ARAP1: variants seen among roughly 807,000 people sequenced by gnomAD.
ARAP1 encodes ArfGAP with RhoGAP domain, ankyrin repeat and PH domain 1.
Under a neutral mutation model 172.2 loss-of-function variants are expected in ARAP1, and 76 were observed. That is an observed-to-expected ratio of 0.44 (90% CI 0.37 to 0.53). The LOEUF (loss-of-function observed/expected upper bound fraction) is 0.53, where lower values mean the gene tolerates loss of function less well. Among genes scored for constraint, ARAP1 ranks in the 20% least tolerant of loss-of-function variants. ARAP1 has a pLI of 0.00. For synonymous variants in ARAP1, 804 were observed against 803.3 expected, an observed-to-expected ratio of 1.00 and a Z score of -0.01; for missense variants, 1,686 against 1,977.5, an observed-to-expected ratio of 0.85 and a Z score of 2.80.
chr11:72,700,773 G>T lies in ARAP1; in HGVS notation c.2302+876C>A, dbSNP rs1856446770. Among the ~76,000 whole-genome samples, 4 of 152,270 alleles carry T rather than the reference G, an allele frequency of 2.6e-5. No homozygotes were observed. In the South Asian group the frequency reaches 8.3e-4, roughly 31 times the overall value. ...AATCCCAGTACTTTGGGAGGCCAAG[G>T]CGGGCAGATCACCTGAGGTCGGGAG... On this transcript the variant is annotated intron_variant, in intron 16 of 34. Coordinates refer to ENST00000393609, the MANE Select transcript of ARAP1 (RefSeq NM_001040118.3).
In ARAP1 at chr11:72,693,503, C is replaced by T. The variant is rs756695300; in HGVS notation, c.3809-33G>A. ...GTGGGACTGGAGTGGGCACAGGCTGCACCAACCCCTACCCGGGGCTGGGTC... is the reference window on the plus strand; with the variant it reads ...GTGGGACTGGAGTGGGCACAGGCTGTACCAACCCCTACCCGGGGCTGGGTC... On this transcript the variant is annotated intron_variant, in intron 28 of 34. Coordinates refer to ENST00000393609, the MANE Select transcript of ARAP1 (RefSeq NM_001040118.3). This position sits in a 1 kb window ranked among gnomAD's most constrained non-coding sequence, Gnocchi z 4.6. 2 of 1,597,778 alleles carry T rather than the reference C, an allele frequency of 1.3e-6. No individual in the cohort carries two copies. Among genetic ancestry groups the T allele is most frequent in the South Asian group, 1.1e-5 (1 of 89,804 alleles).
At position 72,695,882 on chromosome 11, in the gene ARAP1, G is replaced by A. The variant is rs1474577564; in HGVS notation, c.3273-17C>T. On this transcript the variant is annotated splice_polypyrimidine_tract_variant and intron_variant, in intron 23 of 34. Coordinates refer to ENST00000393609, the MANE Select transcript of ARAP1 (RefSeq NM_001040118.3). This position sits in a 1 kb window ranked among gnomAD's most constrained non-coding sequence, Gnocchi z 4.4. ...CACTGAACACTGGAGAGGGGAGGAG[G>A]AGGGCTTTGAGTGAGGAGTCAGGCC... is the stretch of plus-strand genomic sequence containing the variant. The A allele has an allele frequency of 5.6e-6, 9 of 1,602,832 alleles. No individual in the cohort carries two copies. The highest frequency in any genetic ancestry group is 6.8e-6 in the Non-Finnish European group (8 of 1,174,596).
intron 3 of ARAP1, among the ~76,000 whole-genome samples, chr11:72,718,233 A>C (rs1857364186): frequency 6.6e-6 from 1 of 152,118 alleles, no homozygotes; most frequent in African/African-American, 2.4e-5. Flanking sequence ...TCAGGAAGGC[A>C]CAACATGTGG....
At chr11:72,747,316 G>A (rs67288233) in intron 1 of ARAP1, among the ~76,000 whole-genome samples, 23,783 of 152,044 alleles carry the variant, frequency 0.16, 2,649 homozygotes, top group African/African-American at 0.31. Flanking sequence ...CTTCCTCTAG[G>A]CCCCTCTGAC....
Position 72,695,292 on chromosome 11 carries a change from C to T in ARAP1, c.3576+95G>A, listed in dbSNP as rs920031697. 1.3e-6 allele frequency: 2 copies of T among 1,546,090 alleles called. No homozygotes were observed. The highest frequency in any genetic ancestry group is 1.8e-6 in the Non-Finnish European group (2 of 1,123,886). ...GATACAGGTCCCAAACTGGTCCTCT[C>T]CTCGGGGTAGAAGCACTGCTCCCCT... On this transcript the variant is annotated intron_variant, in intron 26 of 34. Transcript: ENST00000393609. This position sits in a 1 kb window ranked among gnomAD's most constrained non-coding sequence, Gnocchi z 4.4.
At chr11:72,735,567 G>A (rs901511267) in intron 1 of ARAP1, among the ~76,000 whole-genome samples, 1 of 152,124 alleles carries the variant, frequency 6.6e-6, no homozygotes, top group Admixed American at 6.5e-5. Flanking sequence ...TTGCACTCCA[G>A]CCTGGGCGAC....
chr11:72,688,744 G>T, intron 30 of ARAP1: 1 of 556,300 alleles, frequency 1.8e-6, no homozygotes, highest in East Asian at 3.0e-5. Flanking sequence ...CCCAAGGCCT[G>T]TCTCCCTGCA....
chr11:72,714,446 C>A, intron 3 of ARAP1, 125 bp from the exon 4 acceptor site: 1 of 936,756 alleles, frequency 1.1e-6, no homozygotes, highest in East Asian at 3.0e-5. Context: ...AGACAGGAGC[C>A]CTCCTGCACA....
chr11:72,693,592 C>A lies in ARAP1; in HGVS notation c.3808+100G>T. 1 of 1,530,026 alleles carries A rather than the reference C, an allele frequency of 6.5e-7. No individual in the cohort carries two copies. 94.8% of individuals were successfully genotyped at this position (1,530,026 alleles called of 1,614,324 possible). A position where few individuals can be genotyped will look rare whatever the true frequency, so the allele number is the denominator to read the frequency against. ...TCCATAGAGGCCCACCCACTTGGCG[C>A]CCTCTGTCTGAGCTGTTCCTACCTG... On this transcript the variant is annotated intron_variant, in intron 28 of 34. Transcript: ENST00000393609. The surrounding 1 kb of genome is among the most constrained non-coding windows in gnomAD (Gnocchi z 4.6).
At chr11:72,722,219 C>CT (rs1857548011) in intron 3 of ARAP1, 1 of 985,368 alleles carries the variant, frequency 1.0e-6, no homozygotes, top group Non-Finnish European at 1.2e-6. Context: ...GTGTGTGACT[C>CT]TGTGTGTCTG....
intron 2 of ARAP1, among the ~76,000 whole-genome samples, chr11:72,729,844 G>GT (rs1022111094): frequency 4.0e-5 from 6 of 149,730 alleles, no homozygotes; most frequent in African/African-American, 1.5e-4. Flanking sequence ...GAGCCTAGGA[G>GT]TTCAAGGCTG....
intron 1 of ARAP1, among the ~76,000 whole-genome samples, chr11:72,751,498 T>C (rs1173322538): frequency 6.6e-6 from 1 of 152,070 alleles, no homozygotes; most frequent in Admixed American, 6.5e-5. Context: ...GCCTGGCCTC[T>C]GGGGACTCTC....
chr11:72,698,908 T>C, intron 18 of ARAP1, 97 bp downstream of exon 18: 1 of 1,270,496 alleles, frequency 7.9e-7, no homozygotes, highest in Non-Finnish European at 1.1e-6. Context: ...TAGCTTCTGC[T>C]CTCTAGACGG....
intron 29 of ARAP1, 197 bp from the exon 30 acceptor site, chr11:72,692,982 C>T: frequency 1.4e-6 from 1 of 699,820 alleles, no homozygotes; most frequent in South Asian, 1.7e-5. Flanking sequence ...AGGCATATGA[C>T]ATACGATATG....
rs777095706 is a variant in ARAP1, at chr11:72,686,302, C to T, written c.4186-111G>A. On this transcript the variant is annotated intron_variant, in intron 33 of 34. Coordinates refer to ENST00000393609, the MANE Select transcript of ARAP1 (RefSeq NM_001040118.3). ...CCTCCAGCTGTGGTCTGAGATGACA[C>T]CCTCAGCTTTGATCCCCGCCGATAT... 6.5e-6 allele frequency: 9 copies of T among 1,387,656 alleles called. No individual in the cohort carries two copies. In the Admixed American group the frequency reaches 1.2e-4, roughly 18 times the overall value. The allele number at this position is 1,387,656 out of a possible 1,614,324, so 86.0% of individuals were successfully genotyped here. A position where few individuals can be genotyped will look rare whatever the true frequency, so the allele number is the denominator to read the frequency against.
At chr11:72,721,521 G>C (rs1351052164) in intron 3 of ARAP1, among the ~76,000 whole-genome samples, 1 of 152,194 alleles carries the variant, frequency 6.6e-6, no homozygotes. Flanking sequence ...CCAAAGAGGA[G>C]TATTCTGTGG....
rs1856367501 is a variant in ARAP1, at chr11:72,699,340, G to A, written c.2438+77C>T. ...CTCTGCGGAGGTCCTCCCCTTCTCT[G>A]GGTCTATTTCCCTGTCTCCCCAGTG... is the stretch of plus-strand genomic sequence containing the variant. On this transcript the variant is annotated intron_variant, in intron 17 of 34. Coordinates refer to ENST00000393609, the MANE Select transcript of ARAP1 (RefSeq NM_001040118.3). The surrounding 1 kb of genome is among the most constrained non-coding windows in gnomAD (Gnocchi z 4.2). 5.0e-6 allele frequency: 8 copies of A among 1,592,134 alleles called. No homozygotes were observed. The highest frequency in any genetic ancestry group is 6.9e-6 in the Non-Finnish European group (8 of 1,166,540).
rs1195880420 is a variant in ARAP1 at position 72,741,296 on chromosome 11, T to C, written c.-127-8699A>G. On this transcript the variant is annotated intron_variant, in intron 1 of 34. Coordinates refer to ENST00000393609, the MANE Select transcript of ARAP1 (RefSeq NM_001040118.3). The surrounding 1 kb of genome is among the most constrained non-coding windows in gnomAD (Gnocchi z 4.5). The stretch of plus-strand genomic sequence containing the variant: ...TAGCCCACCGGGCTCATCTAATACA[T>C]GGCATAGCTCCTGACCCCAACCCTC... Among the ~76,000 whole-genome samples the C allele has an allele frequency of 6.6e-6, 1 of 152,030 alleles. No individual in the cohort carries two copies. Among genetic ancestry groups the C allele is most frequent in the African/African-American group, 2.4e-5 (1 of 41,394 alleles).
At chr11:72,724,095 A>G (rs191290844) in intron 3 of ARAP1, among the ~76,000 whole-genome samples, 58 of 152,256 alleles carry the variant, frequency 3.8e-4, no homozygotes, top group African/African-American at 1.3e-3. Flanking sequence ...AAATCCCTAC[A>G]TGCTTCTACA....
Sources: gnomAD v4.1 joint callset for allele counts (sites outside exome capture counted in the v4.1 genomes callset) on GRCh38, gnomAD v4.1.1 for gene constraint, Gnocchi (gnomAD v3.1) non-coding constraint, MANE v1.5 for transcripts, NCBI Gene and HGNC (gene_info 2026-07-23, HGNC 2026-07-21) for gene names.